APPBP2: variants seen among roughly 807,000 people sequenced by gnomAD.
APPBP2 encodes the protein amyloid beta precursor protein binding protein 2.
In APPBP2, 15 loss-of-function variants were observed where a neutral mutation model predicts 76.0. The ratio of observed to expected loss-of-function variants is 0.20; its 90% CI spans 0.13 to 0.30. APPBP2 has a LOEUF of 0.30. Ranked by LOEUF, APPBP2 falls within the 10% of genes least tolerant of loss-of-function variation. The probability of loss-of-function intolerance (pLI) is 1.00; values close to 1 mark genes in which losing one functional copy is unlikely to be tolerated. For missense variants in APPBP2, 401 were observed against 687.2 expected (o/e 0.58, Z 4.66); for synonymous variants, 222 against 242.2 (o/e 0.92, Z 0.77).
At chr17:60,454,048 A>AGACAGGGTCTCCCGG (rs2090415588) in intron 11 of APPBP2, among the ~76,000 whole-genome samples, 1 of 151,968 alleles carries the variant, frequency 6.6e-6, no homozygotes, top group South Asian at 2.1e-4. Flanking sequence ...ATTTTTGTAG[A>AGACAGGGTCTCCCGG]GACAGGGTCT....
chr17:60,458,575 C>T (rs2090449607), intron 9 of APPBP2, among the ~76,000 whole-genome samples: 1 of 152,158 alleles, frequency 6.6e-6, no homozygotes, highest in Non-Finnish European at 1.5e-5. Flanking sequence ...GTTGTCCACA[C>T]ATTCTCTGCT....
intron 2 of APPBP2, among the ~76,000 whole-genome samples, chr17:60,499,332 CAA>C (rs879508554): frequency 6.3e-5 from 8 of 126,940 alleles, no homozygotes; most frequent in African/African-American, 8.6e-5. Context: ...GACTGTGTCT[CAA>C]AAAAAAAAAA....
chr17:60,476,271 C>T (rs2090590542), intron 4 of APPBP2, among the ~76,000 whole-genome samples: 1 of 152,050 alleles, frequency 6.6e-6, no homozygotes, highest in Admixed American at 6.6e-5. Context: ...GATGTTAGCC[C>T]CATATTAGAA....
intron 9 of APPBP2, among the ~76,000 whole-genome samples, chr17:60,457,416 T>C (rs552142321): frequency 2.6e-5 from 4 of 152,120 alleles, no homozygotes; most frequent in Non-Finnish European, 5.9e-5. Flanking sequence ...GAGGTTTTTT[T>C]TGTTTTGTTT....
chr17:60,464,082 T>C lies in APPBP2; in HGVS notation c.701A>G (p.Lys234Arg), dbSNP rs749493180. The C allele has an allele frequency of 1.2e-6, 2 of 1,612,444 alleles. No homozygotes were observed. The highest frequency in any genetic ancestry group is 1.7e-6 in the Non-Finnish European group (2 of 1,179,344). ...EAYKWCIEAM[K>R]EITAGLPVKV... ...CACTGGTAAGCCTGCTGTAATTTCT[T>C]TCATTGCCTCGATGCACCATTTGTA... The change falls in exon 6 of 13, where the codon AAA (lysine) becomes AGA (arginine). Residue 234 changes from lysine to arginine, a missense_variant. Lys to Arg is a conservative substitution (Grantham distance 26). Coordinates refer to ENST00000083182, the MANE Select transcript of APPBP2 (RefSeq NM_006380.5).
chr17:60,511,248 G>C (rs906056856), intron 1 of APPBP2, among the ~76,000 whole-genome samples: 8 of 152,086 alleles, frequency 5.3e-5, no homozygotes, highest in South Asian at 4.1e-4. Context: ...GGTGAAAATC[G>C]GAAGTGTTTC....
Position 60,466,396 on chromosome 17 carries a change from A to G in APPBP2, c.567T>C (p.Ala189=), listed in dbSNP as rs2090511686. The change falls in exon 5 of 13, where the codon GCT becomes GCC. Residue 189 remains alanine (A), a synonymous_variant. Transcript: ENST00000083182. ...TTGATAGTTTATCCATATATGTCTGAGCTAATTTAAATGTTTCTTCACCCA... is the reference window on the plus strand; with the variant it reads ...TTGATAGTTTATCCATATATGTCTGGGCTAATTTAAATGTTTCTTCACCCA... ...YHLGEETFKL[A]QTYMDKLSKH... 1.2e-6 allele frequency: 2 copies of G among 1,613,752 alleles called. No individual in the cohort carries two copies. Among genetic ancestry groups the G allele is most frequent in the African/African-American group, 1.3e-5 (1 of 74,928 alleles).
chr17:60,515,907 G>A (rs144940582), intron 1 of APPBP2, among the ~76,000 whole-genome samples: 68 of 152,314 alleles, frequency 4.5e-4, no homozygotes, highest in Non-Finnish European at 9.1e-4. Flanking sequence ...GCTCACGCCT[G>A]TAATCCCAAC....
intron 10 of APPBP2, 75 bp from the exon 11 acceptor site, chr17:60,454,567 T>C: frequency 1.1e-6 from 1 of 895,984 alleles, no homozygotes; most frequent in Non-Finnish European, 1.6e-6. Flanking sequence ...AATTTAAACT[T>C]AAATAATATA....
chr17:60,454,953 A>T (rs1177071558), intron 10 of APPBP2, among the ~76,000 whole-genome samples: 1 of 152,202 alleles, frequency 6.6e-6, no homozygotes, highest in Non-Finnish European at 1.5e-5. Flanking sequence ...CTGACCAACC[A>T]AATCAGGCAA....
At position 60,489,920 on chromosome 17, in the gene APPBP2, G is replaced by A. The variant is rs150206695; in HGVS notation, c.379+4546C>T. 5.2e-3 allele frequency among the ~76,000 whole-genome samples: 795 copies of A among 151,858 alleles called. 8 individuals carry two copies. Among genetic ancestry groups the A allele is most frequent in the African/African-American group, 0.018 (737 of 41,426 alleles). ...TGTGGTGGCACACGCCTGTAATCTC[G>A]GCTACTTGGGAGGCTGAGGAAGGAG... On this transcript the variant is annotated intron_variant, in intron 3 of 12. Transcript: ENST00000083182.
rs2090348277 is a variant in APPBP2, at chr17:60,446,496, C to A, written c.*1085G>T. 1 of 152,140 alleles carries A rather than the reference C, an allele frequency of 6.6e-6. No homozygotes were observed. Among genetic ancestry groups the A allele is most frequent in the Non-Finnish European group, 1.5e-5 (1 of 68,030 alleles). The allele number at this position is 152,140 out of a possible 1,614,324, so 9.4% of individuals were successfully genotyped here. ...AGACTTATTTTTGGGCATTCATTTT[C>A]ATTAATCTCCATAAACCATACAGTA... On this transcript the variant is annotated 3_prime_UTR_variant, in exon 13 of 13. Coordinates refer to ENST00000083182, the MANE Select transcript of APPBP2 (RefSeq NM_006380.5).
At chr17:60,494,204 C>T (rs1416384235) in intron 3 of APPBP2, among the ~76,000 whole-genome samples, 1 of 152,180 alleles carries the variant, frequency 6.6e-6, no homozygotes, top group East Asian at 1.9e-4. Context: ...GTGACTTGAG[C>T]CAGTTACTCA....
rs146968316 is a variant in APPBP2 at position 60,518,503 on chromosome 17, C to CGTGTGT, written c.138+7285_138+7290dup. Among the ~76,000 whole-genome samples, 26 of 134,208 alleles carry CGTGTGT rather than the reference C, an allele frequency of 1.9e-4. 1 individual carries two copies. Among genetic ancestry groups the CGTGTGT allele is most frequent in the African/African-American group, 7.9e-4 (25 of 31,540 alleles). The allele number at this position is 134,208 out of a possible 152,430, so 88.0% of individuals were successfully genotyped here. A position where few individuals can be genotyped will look rare whatever the true frequency, so the allele number is the denominator to read the frequency against. On this transcript the variant is annotated intron_variant, in intron 1 of 12. Transcript: ENST00000083182. ...ACAGGCATGAGCTACCATGCCCAGCCGTGTGTGTGTGTGTGTGTGTGTGTG... is the reference window on the plus strand; with the variant it reads ...ACAGGCATGAGCTACCATGCCCAGCCGTGTGTGTGTGTGTGTGTGTGTGTGTGTGTG...
chr17:60,455,124 G>C (rs73990452), intron 10 of APPBP2, among the ~76,000 whole-genome samples: 2,291 of 151,794 alleles, frequency 0.015, 49 homozygotes, highest in African/African-American at 0.051. Context: ...TTTTTAAAAA[G>C]AAAAGGTTAA....
At chr17:60,450,815 T>C (rs924943026) in intron 12 of APPBP2, among the ~76,000 whole-genome samples, 2 of 151,004 alleles carry the variant, frequency 1.3e-5, no homozygotes, top group Non-Finnish European at 3.0e-5. Flanking sequence ...AAAAAAGAAC[T>C]TCTGTTATTT....
chr17:60,488,294 C>T (rs1471904643), intron 3 of APPBP2, among the ~76,000 whole-genome samples: 1 of 152,136 alleles, frequency 6.6e-6, no homozygotes, highest in Non-Finnish European at 1.5e-5. Context: ...GTTTCTGCTG[C>T]CTTTTGTTCA....
At chr17:60,502,591 C>T (rs1001003667) in intron 1 of APPBP2, among the ~76,000 whole-genome samples, 5 of 134,504 alleles carry the variant, frequency 3.7e-5, no homozygotes, top group South Asian at 2.1e-4. Context: ...TGGTGGCTCA[C>T]GCCTGTAATC....
rs1485968111 is a variant in APPBP2 at position 60,508,838 on chromosome 17, CAA to C, written c.139-8353_139-8352del. The stretch of plus-strand genomic sequence containing the variant: ...CATGAAGTCCCCAGACAGACAAATG[CAA>C]AAACACCCAGGTGTTTCTGAGGGGA... On this transcript the variant is annotated intron_variant, in intron 1 of 12. Coordinates refer to ENST00000083182, the MANE Select transcript of APPBP2 (RefSeq NM_006380.5). 2.6e-5 allele frequency among the ~76,000 whole-genome samples: 4 copies of C among 152,106 alleles called. No homozygotes were observed. The East Asian group carries it at 7.7e-4, about 29-fold the overall frequency.
Sources: allele counts gnomAD v4.1 joint callset (sites outside exome capture counted in the v4.1 genomes callset), GRCh38; gene constraint gnomAD v4.1.1; transcripts MANE v1.5; gene names NCBI Gene and HGNC (gene_info 2026-07-23, HGNC 2026-07-21).